The following WDR70 variants were observed in gnomAD, a reference collection of about 807,000 sequenced individuals.
The protein encoded by WDR70 is WD repeat-containing protein 70.
A neutral mutation model predicts 88.6 loss-of-function variants in WDR70; 53 were observed. That is an observed-to-expected ratio of 0.60 (90% CI 0.48 to 0.75). The LOEUF (loss-of-function observed/expected upper bound fraction) is 0.75, where lower values mean the gene tolerates loss of function less well. Among genes scored for constraint, WDR70 ranks in the 30% least tolerant of loss-of-function variants. The pLI, the probability that WDR70 is intolerant of heterozygous loss-of-function variation, is 0.00. For missense variants in WDR70, 610 were observed against 823.2 expected (o/e 0.74, Z 3.17); for synonymous variants, 280 against 270.0 (o/e 1.04, Z -0.36).
At chr5:37,493,964 G>C (rs989886450) in intron 8 of WDR70, among the ~76,000 whole-genome samples, 1 of 151,806 alleles carries the variant, frequency 6.6e-6, no homozygotes, top group African/African-American at 2.4e-5. Flanking sequence ...GATTACAGGT[G>C]CCCACCACCA....
At position 37,752,586 on chromosome 5, in the gene WDR70, G is replaced by A; in HGVS notation, c.*13G>A. ...ACGTAAAATTTGAAGAATCTCATTTGAGAGCTGTTTGCATGAGTGGGAGGG... is the reference window on the plus strand; with the variant it reads ...ACGTAAAATTTGAAGAATCTCATTTAAGAGCTGTTTGCATGAGTGGGAGGG... On this transcript the variant is annotated 3_prime_UTR_variant, in exon 18 of 18. Coordinates refer to ENST00000265107, the MANE Select transcript of WDR70 (RefSeq NM_018034.4). The A allele has an allele frequency of 6.2e-7, 1 of 1,602,090 alleles. No individual in the cohort carries two copies. The highest frequency in any genetic ancestry group is 8.5e-7 in the Non-Finnish European group (1 of 1,171,732).
At chr5:37,699,478 C>T (rs1376392262) in intron 11 of WDR70, among the ~76,000 whole-genome samples, 3 of 151,444 alleles carry the variant, frequency 2.0e-5, no homozygotes, top group Admixed American at 6.6e-5. Context: ...TGTATTCCAT[C>T]GTTTTCCTTC....
chr5:37,753,249 G>A lies in WDR70; in HGVS notation c.*676G>A, dbSNP rs1419825126. On this transcript the variant is annotated 3_prime_UTR_variant, in exon 18 of 18. Coordinates refer to ENST00000265107, the MANE Select transcript of WDR70 (RefSeq NM_018034.4). ...GCAGGTTCGTCAGAAGAATTAAATG[G>A]GACATGCCTCACAGAGCATTTAGTA... 6.6e-6 allele frequency: 1 copy of A among 152,146 alleles called. No homozygotes were observed. Among genetic ancestry groups the A allele is most frequent in the Non-Finnish European group, 1.5e-5 (1 of 68,042 alleles). 9.4% of individuals were successfully genotyped at this position (152,146 alleles called of 1,614,324 possible). A position where few individuals can be genotyped will look rare whatever the true frequency, so the allele number is the denominator to read the frequency against.
chr5:37,694,640 G>A (rs1048458227), intron 10 of WDR70, among the ~76,000 whole-genome samples: 1 of 151,674 alleles, frequency 6.6e-6, no homozygotes, highest in South Asian at 2.1e-4. Context: ...GGTGGGAATC[G>A]AACAATGAGA....
At chr5:37,437,878 A>G (rs1750520535) in intron 5 of WDR70, 44 bp from the exon 6 acceptor site, 2 of 1,565,684 alleles carry the variant, frequency 1.3e-6, no homozygotes, top group Admixed American at 1.8e-5. Context: ...TTCCCCACAA[A>G]TATGTTATTT....
In WDR70 at chr5:37,469,973, A is replaced by AT. The variant is rs541670153; in HGVS notation, c.687-9855dup. ...GTAACGAACATTCTTCTTCCTTTAC[A>AT]TTTTTTGTTAAATTATTGTTTCATA... On this transcript the variant is annotated intron_variant, in intron 7 of 17. Coordinates refer to ENST00000265107, the MANE Select transcript of WDR70 (RefSeq NM_018034.4). 3.1e-3 allele frequency among the ~76,000 whole-genome samples: 471 copies of AT among 152,228 alleles called. 1 individual carries two copies. The highest frequency in any genetic ancestry group is 5.2e-3 in the Non-Finnish European group (352 of 68,002).
intron 10 of WDR70, among the ~76,000 whole-genome samples, chr5:37,645,867 A>ACACACATAGTGTGTCCTTGTAAG: frequency 6.6e-6 from 1 of 151,880 alleles, no homozygotes; most frequent in Admixed American, 6.6e-5. Flanking sequence ...GTCTTTGTGG[A>ACACACATAGTGTGTCCTTGTAAG]TGAAGTGTGT....
chr5:37,433,453 C>G (rs74347368), intron 5 of WDR70, among the ~76,000 whole-genome samples: 1 of 152,168 alleles, frequency 6.6e-6, no homozygotes, highest in Non-Finnish European at 1.5e-5. Flanking sequence ...GGAACTCTCT[C>G]TCTGGCTTTT....
At chr5:37,700,024 C>G (rs1314918775) in intron 11 of WDR70, among the ~76,000 whole-genome samples, 1 of 151,882 alleles carries the variant, frequency 6.6e-6, no homozygotes, top group Non-Finnish European at 1.5e-5. Flanking sequence ...CAAAGGTGAG[C>G]CTTACAAAGT....
At chr5:37,504,736 A>G (rs750453727) in intron 8 of WDR70, among the ~76,000 whole-genome samples, 1 of 152,244 alleles carries the variant, frequency 6.6e-6, no homozygotes, top group Non-Finnish European at 1.5e-5. Flanking sequence ...ATGTAGATAT[A>G]GAAGAATAAG....
intron 8 of WDR70, among the ~76,000 whole-genome samples, 161 bp from the exon 9 acceptor site, chr5:37,516,353 G>A (rs1740882756): frequency 1.3e-5 from 2 of 152,178 alleles, no homozygotes; most frequent in South Asian, 4.2e-4. Flanking sequence ...AACATGTTAT[G>A]AGAGAAAATT....
Position 37,697,673 on chromosome 5 carries a change from T to C in WDR70, c.1111T>C (p.Tyr371His), listed in dbSNP as rs768579304. Residue 371 changes from tyrosine to histidine, a missense_variant, in exon 11 of 18, where the codon TAT (tyrosine) becomes CAT (histidine). Physicochemically the swap from Tyr to His is moderately conservative, Grantham distance 83. This residue lies in a region of WDR70 where 254 missense variants were observed against 300.7 expected (regional missense o/e 0.84). Transcript: ENST00000265107. ...RNLTVHPKFHYKQAHDSGTDT... is the reference protein window; with the variant it reads ...RNLTVHPKFHHKQAHDSGTDT... ...TGAATAGGTTCATCCTAAGTTCCAC[T>C]ATAAACAGGCTCATGACTCGGGCAC... is the stretch of plus-strand genomic sequence containing the variant. 3.1e-6 allele frequency: 5 copies of C among 1,613,812 alleles called. No homozygotes were observed. The highest frequency in any genetic ancestry group is 1.3e-5 in the African/African-American group (1 of 75,050).
chr5:37,644,247 TG>T (rs1488209248), intron 10 of WDR70, among the ~76,000 whole-genome samples: 1 of 99,944 alleles, frequency 1.0e-5, no homozygotes, highest in Non-Finnish European at 2.2e-5. Context: ...AATGATCATA[TG>T]TTTTTTTGTC....
At chr5:37,432,234 G>C (rs1750327802) in intron 5 of WDR70, among the ~76,000 whole-genome samples, 1 of 152,110 alleles carries the variant, frequency 6.6e-6, no homozygotes, top group Non-Finnish European at 1.5e-5. Context: ...CTGTTTATTT[G>C]ATAGTAAAAG....
At chr5:37,661,401 T>G (rs1027655280) in intron 10 of WDR70, among the ~76,000 whole-genome samples, 1 of 152,204 alleles carries the variant, frequency 6.6e-6, no homozygotes, top group African/African-American at 2.4e-5. Flanking sequence ...TATCGAAATG[T>G]AGTATCTGGC....
intron 8 of WDR70, among the ~76,000 whole-genome samples, chr5:37,497,454 T>TCCTTCCGTCTTCCCTTC (rs1561875854): frequency 1.8e-5 from 2 of 110,220 alleles, no homozygotes; most frequent in Non-Finnish European, 3.5e-5. Flanking sequence ...GTCTTCCCTT[T>TCCTTCCGTCTTCCCTTC]CCTTCCGTCT....
chr5:37,605,210 G>A lies in WDR70; in HGVS notation c.1064G>A (p.Ser355Asn). ...ATAGCAGCTGCCTGCCAGAATGGAAGCATACAGATCTGGGACCGAAATTTG... is the reference window on the plus strand; with the variant it reads ...ATAGCAGCTGCCTGCCAGAATGGAAACATACAGATCTGGGACCGAAATTTG... The part of the protein sequence containing the change: ...NLIAAACQNG[S>N]IQIWDRNLTV... The change falls in exon 10 of 18, where the codon AGC becomes AAC. Residue 355 changes from serine (S) to asparagine (N), a missense_variant. Physicochemically the swap from Ser to Asn is conservative, Grantham distance 46. Around this residue, in one of 4 missense-constraint regions of WDR70, gnomAD observed 254 missense variants for 300.7 expected, o/e 0.84. Transcript: ENST00000265107. 2 of 1,608,486 alleles carry A rather than the reference G, an allele frequency of 1.2e-6. No homozygotes were observed. The highest frequency in any genetic ancestry group is 2.2e-5 in the East Asian group (1 of 44,676).
At chr5:37,441,082 T>C (rs530398249) in intron 6 of WDR70, among the ~76,000 whole-genome samples, 6 of 152,326 alleles carry the variant, frequency 3.9e-5, no homozygotes, top group Admixed American at 6.5e-5. Flanking sequence ...TATTGTGTTG[T>C]AGTGAGATGA....
At chr5:37,604,394 A>C (rs556597489) in intron 9 of WDR70, among the ~76,000 whole-genome samples, 1 of 152,166 alleles carries the variant, frequency 6.6e-6, no homozygotes, top group South Asian at 2.1e-4. Context: ...GTTTTTCTGT[A>C]TTTTAAGCTT....
Sources: allele counts gnomAD v4.1 joint callset (sites outside exome capture counted in the v4.1 genomes callset), GRCh38; gene constraint gnomAD v4.1.1; regional missense constraint gnomAD v4.1.1; transcripts MANE v1.5; gene names NCBI Gene and HGNC (gene_info 2026-07-23, HGNC 2026-07-21).